The following AGBL4 variants were observed in gnomAD, a reference collection of about 807,000 sequenced individuals.
AGBL4 encodes the protein AGBL carboxypeptidase 4.
AGBL4 carries 58 observed loss-of-function variants against 66.4 expected under a neutral mutation model. That is an observed-to-expected ratio of 0.87 (90% CI 0.71 to 1.09). The LOEUF is 1.09. Ranked by LOEUF, AGBL4 falls within the 50% of genes least tolerant of loss-of-function variation. The pLI, the probability that AGBL4 is intolerant of heterozygous loss-of-function variation, is 0.00. For synonymous variants in AGBL4, 234 were observed against 222.9 expected, an observed-to-expected ratio of 1.05 and a Z score of -0.44; for missense variants, 579 against 631.0, an observed-to-expected ratio of 0.92 and a Z score of 0.88.
At chr1:49,352,389 T>TTTTC (rs1643929081) in intron 3 of AGBL4, among the ~76,000 whole-genome samples, 1 of 132,788 alleles carries the variant, frequency 7.5e-6, no homozygotes, top group Non-Finnish European at 1.5e-5. Context: ...TTTTTTTTTT[T>TTTTC]GTGGAAAGGA....
intron 3 of AGBL4, among the ~76,000 whole-genome samples, chr1:49,497,423 T>G (rs1647703466): frequency 2.0e-5 from 3 of 151,936 alleles, no homozygotes; most frequent in African/African-American, 7.2e-5. Context: ...TGGGGTCATA[T>G]CCAAAAAATC....
chr1:49,701,635 CAA>C (rs1290162313), intron 2 of AGBL4, among the ~76,000 whole-genome samples: 1 of 151,706 alleles, frequency 6.6e-6, no homozygotes, highest in Non-Finnish European at 1.5e-5. Context: ...ATAATAAAGA[CAA>C]GAGTAGAAAT....
chr1:48,881,252 C>A (rs1015359256), intron 5 of AGBL4, among the ~76,000 whole-genome samples: 3 of 152,172 alleles, frequency 2.0e-5, no homozygotes, highest in African/African-American at 7.2e-5. Flanking sequence ...TGTGGGATTA[C>A]AACTGAAATT....
At chr1:49,045,881 T>A in intron 4 of AGBL4, 81 bp from the exon 5 acceptor site, 1 of 1,194,830 alleles carries the variant, frequency 8.4e-7, no homozygotes, top group Non-Finnish European at 1.2e-6. Flanking sequence ...AATCAATGCC[T>A]GGAGAAAAAC....
intron 2 of AGBL4, among the ~76,000 whole-genome samples, chr1:49,753,475 A>T (rs1380372003): frequency 6.6e-6 from 1 of 152,070 alleles, no homozygotes; most frequent in Non-Finnish European, 1.5e-5. Context: ...GGGTAATCTG[A>T]CCTTTCCCTC....
chr1:48,564,321 G>C (rs1644441750), intron 11 of AGBL4, among the ~76,000 whole-genome samples: 1 of 151,958 alleles, frequency 6.6e-6, no homozygotes, highest in Admixed American at 6.6e-5. Context: ...CCTGGATCAA[G>C]TCCAAACCCA....
At chr1:49,439,192 C>A (rs574412350) in intron 3 of AGBL4, among the ~76,000 whole-genome samples, 1 of 151,996 alleles carries the variant, frequency 6.6e-6, no homozygotes, top group Admixed American at 6.5e-5. Context: ...AGGAGATGAA[C>A]GTAAAAGAAA....
chr1:49,552,135 C>A (rs1653006176), intron 3 of AGBL4, among the ~76,000 whole-genome samples: 1 of 152,108 alleles, frequency 6.6e-6, no homozygotes, highest in African/African-American at 2.4e-5. Context: ...AACTGAAGGG[C>A]CGGTCTCACT....
intron 5 of AGBL4, among the ~76,000 whole-genome samples, chr1:48,912,007 T>G (rs113882869): frequency 6.6e-6 from 1 of 152,340 alleles, no homozygotes; most frequent in African/African-American, 2.4e-5. Flanking sequence ...AGATCATTTC[T>G]CATTTCCCTC....
intron 2 of AGBL4, among the ~76,000 whole-genome samples, chr1:49,760,662 C>G (rs1202324906): frequency 2.0e-5 from 3 of 152,140 alleles, no homozygotes; most frequent in African/African-American, 7.2e-5. Flanking sequence ...CCAGGAATCC[C>G]ATTACTGGGT....
chr1:49,503,048 C>A (rs74982028), intron 3 of AGBL4, among the ~76,000 whole-genome samples: 9,271 of 152,078 alleles, frequency 0.061, 412 homozygotes, highest in Middle Eastern at 0.092. Flanking sequence ...CATCACAGAC[C>A]CAGGGGCCAA....
intron 3 of AGBL4, among the ~76,000 whole-genome samples, chr1:49,521,900 G>T (rs1650292335): frequency 9.4e-6 from 1 of 106,892 alleles, no homozygotes; most frequent in Non-Finnish European, 2.4e-5. Flanking sequence ...ATAGACATTG[G>T]AAACTATTAG....
chr1:49,027,924 G>A (rs1035930901), intron 5 of AGBL4, among the ~76,000 whole-genome samples: 2 of 152,146 alleles, frequency 1.3e-5, no homozygotes, highest in African/African-American at 4.8e-5. Context: ...GAGCAGGGGT[G>A]ACACTCTAGG....
intron 4 of AGBL4, among the ~76,000 whole-genome samples, chr1:49,216,508 A>G (rs1005732958): frequency 6.6e-6 from 1 of 152,136 alleles, no homozygotes; most frequent in Admixed American, 6.6e-5. Context: ...AACATACAGT[A>G]TTTAGTTCTC....
intron 6 of AGBL4, among the ~76,000 whole-genome samples, chr1:48,765,340 G>C (rs1197601961): frequency 6.6e-6 from 1 of 152,140 alleles, no homozygotes; most frequent in Admixed American, 6.5e-5. Flanking sequence ...AATCATTAGG[G>C]AAATGCAAAT....
At chr1:48,890,722 A>G (rs1194479228) in intron 5 of AGBL4, among the ~76,000 whole-genome samples, 1 of 152,170 alleles carries the variant, frequency 6.6e-6, no homozygotes, top group Admixed American at 6.5e-5. Flanking sequence ...GAAGGTTGGT[A>G]AGTCTGTTAC....
intron 2 of AGBL4, among the ~76,000 whole-genome samples, chr1:49,734,848 T>A (rs1022626959): frequency 6.6e-6 from 1 of 151,152 alleles, no homozygotes; most frequent in Non-Finnish European, 1.5e-5. Context: ...GGGAAACTTA[T>A]ATTATTTTAT....
intron 3 of AGBL4, among the ~76,000 whole-genome samples, chr1:49,307,159 A>T (rs1644862340): frequency 6.6e-6 from 1 of 152,124 alleles, no homozygotes; most frequent in Non-Finnish European, 1.5e-5. Flanking sequence ...CCTTTTTTGT[A>T]AAATGGAAAG....
chr1:49,304,074 A>T (rs1349773426), intron 3 of AGBL4, among the ~76,000 whole-genome samples: 2 of 152,094 alleles, frequency 1.3e-5, no homozygotes, highest in East Asian at 1.9e-4. Flanking sequence ...CCTGCATGGT[A>T]TTGCCTAGAT....
Sources: gnomAD v4.1 joint callset for allele counts (sites outside exome capture counted in the v4.1 genomes callset) on GRCh38, gnomAD v4.1.1 for gene constraint, MANE v1.5 for transcripts, NCBI Gene and HGNC (gene_info 2026-07-23, HGNC 2026-07-21) for gene names.